The following NOP14 variants were observed in gnomAD, a reference collection of about 807,000 sequenced individuals.
The protein encoded by NOP14 is nucleolar protein 14.
Under a neutral mutation model 101.6 loss-of-function variants are expected in NOP14, and 57 were observed. That is an observed-to-expected ratio of 0.56 (90% CI 0.45 to 0.70). The LOEUF (loss-of-function observed/expected upper bound fraction) is 0.70. NOP14 is among the 30% of genes least tolerant of loss of function. The pLI is 0.00. For missense variants in NOP14, 1,134 were observed against 1,075.5 expected, an observed-to-expected ratio of 1.05 and a Z score of -0.76; for synonymous variants, 428 against 424.0, an observed-to-expected ratio of 1.01 and a Z score of -0.12.
At position 2,960,094 on chromosome 4, in the gene NOP14, C is replaced by T. The variant is rs535898839; in HGVS notation, c.196-2354G>A. 4.5e-4 allele frequency among the ~76,000 whole-genome samples: 68 copies of T among 152,250 alleles called. 1 individual carries two copies. Among genetic ancestry groups the T allele is most frequent in the African/African-American group, 1.4e-3 (57 of 41,542 alleles). The stretch of plus-strand genomic sequence containing the variant: ...AAGCAATTCTCCTGCCTCAGCCTCC[C>T]CAGTAGCTGGGATTACAGGCGCACG... On this transcript the variant is annotated intron_variant, in intron 1 of 17. Transcript: ENST00000416614.
In NOP14 at chr4:2,942,244, G is replaced by C; in HGVS notation, c.1999C>G (p.Arg667Gly). The C allele has an allele frequency of 6.2e-7, 1 of 1,614,130 alleles. No homozygotes were observed. The highest frequency in any genetic ancestry group is 8.5e-7 in the Non-Finnish European group (1 of 1,180,004). ...ATWQQSSLSL[R>G]WASRLRAPTS... ...GGGGCCCTCAGTCTACTCGCCCAGC[G>C]GAGGGAGAGGCTGCTCTGCTGCCAC... is the stretch of plus-strand genomic sequence containing the variant. The change falls in exon 14 of 18, where the codon CGC becomes GGC. Residue 667 changes from arginine to glycine, a missense_variant. Arg to Gly is a moderately radical substitution (Grantham distance 125). Coordinates refer to ENST00000416614, the MANE Select transcript of NOP14 (RefSeq NM_001291978.2).
Position 2,954,890 on chromosome 4 carries a change from T to C in NOP14, c.473-327A>G, listed in dbSNP as rs556419669. Among the ~76,000 whole-genome samples the C allele has an allele frequency of 3.9e-5, 6 of 152,236 alleles. 1 individual carries two copies. The South Asian group carries it at 1.2e-3, about 32-fold the overall frequency. ...CCCAGAGCAAGCTGACTCCAGGGTC[T>C]TGGTGGGAGCGTCGCCCAGGATCAG... On this transcript the variant is annotated intron_variant, in intron 3 of 17. Transcript: ENST00000416614.
intron 3 of NOP14, among the ~76,000 whole-genome samples, chr4:2,954,869 G>A (rs1205960174): frequency 6.6e-6 from 1 of 152,062 alleles, no homozygotes; most frequent in Non-Finnish European, 1.5e-5. Context: ...GGCAAACCCA[G>A]AGCAAGCTGA....
intron 8 of NOP14, 131 bp downstream of exon 8, chr4:2,949,803 C>T: frequency 1.0e-6 from 1 of 991,162 alleles, no homozygotes; most frequent in Non-Finnish European, 1.5e-6. Context: ...GGGGTGTGTC[C>T]AGGCACTCCC....
rs1714652487 is a variant in NOP14 at position 2,946,456 on chromosome 4, T to C, written c.1591A>G (p.Met531Val). 1 of 1,614,276 alleles carries C rather than the reference T, an allele frequency of 6.2e-7. No homozygotes were observed. The highest frequency in any genetic ancestry group is 8.5e-7 in the Non-Finnish European group (1 of 1,180,058). Residue 531 changes from methionine to valine, a missense_variant, in exon 11 of 18, where the codon ATG becomes GTG. By Grantham distance (21) the Met-to-Val change is conservative. Transcript: ENST00000416614. ...LRDAMHEMEE[M>V]IETKGRAALP... The stretch of plus-strand genomic sequence containing the variant: ...GCCGCCCGGCCTTTGGTCTCAATCA[T>C]TTCTTCCATCTCATGCATCGCATCT...
At chr4:2,949,677 G>A (rs1398130539) in intron 8 of NOP14, among the ~76,000 whole-genome samples, 1 of 152,188 alleles carries the variant, frequency 6.6e-6, no homozygotes, top group African/African-American at 2.4e-5. Context: ...TATACTAAAA[G>A]GGAGGTGAAG....
intron 10 of NOP14, chr4:2,946,986 T>G (rs1476541735): frequency 8.8e-6 from 2 of 227,922 alleles, no homozygotes; most frequent in African/African-American, 4.7e-5. Flanking sequence ...CACACGCCTC[T>G]CAACTGAGGA....
At chr4:2,942,596 C>T (rs1306646122) in intron 13 of NOP14, among the ~76,000 whole-genome samples, 1 of 152,178 alleles carries the variant, frequency 6.6e-6, no homozygotes, top group Non-Finnish European at 1.5e-5. Context: ...CTGCTGGCCA[C>T]AGACTTCCTG....
At chr4:2,952,438 T>A in intron 5 of NOP14, 41 bp from the exon 6 acceptor site, 1 of 1,489,210 alleles carries the variant, frequency 6.7e-7, no homozygotes, top group Non-Finnish European at 9.0e-7. Context: ...AAAAATATAT[T>A]TATTTCTTAT....
Position 2,963,074 on chromosome 4 carries a change from A to G in NOP14, c.195+51T>C, listed in dbSNP as rs764814823. ...GAGAAGGACGCAGCCGGCCGAGAGC[A>G]GCGTGGGGTCCAGATCCTGCCTTCC... On this transcript the variant is annotated intron_variant, in intron 1 of 17. Transcript: ENST00000416614. 7 of 1,448,458 alleles carry G rather than the reference A, an allele frequency of 4.8e-6. No homozygotes were observed. The South Asian group carries it at 8.7e-5, about 18-fold the overall frequency. 89.7% of individuals were successfully genotyped at this position (1,448,458 alleles called of 1,614,324 possible).
intron 1 of NOP14, among the ~76,000 whole-genome samples, chr4:2,962,713 C>T (rs1055057340): frequency 7.2e-5 from 11 of 151,998 alleles, no homozygotes; most frequent in Non-Finnish European, 1.5e-4. Context: ...CATAGAGTTA[C>T]TTCCCAAGGA....
At chr4:2,953,111 C>G (rs1027874535) in intron 5 of NOP14, among the ~76,000 whole-genome samples, 7 of 152,218 alleles carry the variant, frequency 4.6e-5, no homozygotes, top group African/African-American at 1.7e-4. Flanking sequence ...ACAAATGCAG[C>G]ATTTTCCAAT....
At chr4:2,961,313 A>AATAT (rs1577858810) in intron 1 of NOP14, 3 of 19,352 alleles carry the variant, frequency 1.6e-4, no homozygotes, top group African/African-American at 3.6e-4. Context: ...TTACTGATTT[A>AATAT]AGAACTACAT....
chr4:2,951,295 G>C, intron 6 of NOP14, 50 bp from the exon 7 acceptor site: 1 of 1,590,596 alleles, frequency 6.3e-7, no homozygotes, highest in Non-Finnish European at 8.6e-7. Flanking sequence ...CCAACATATG[G>C]TGAGGGGGCC....
chr4:2,959,285 AC>A (rs1259877450), intron 1 of NOP14, among the ~76,000 whole-genome samples: 1 of 152,232 alleles, frequency 6.6e-6, no homozygotes, highest in Non-Finnish European at 1.5e-5. Flanking sequence ...GCAGTGCTAA[AC>A]AATGTTTGTT....
chr4:2,947,743 C>A (rs544453884), intron 9 of NOP14, 132 bp from the exon 10 acceptor site: 8 of 704,078 alleles, frequency 1.1e-5, no homozygotes, highest in South Asian at 9.8e-5. Flanking sequence ...GTGACAGACA[C>A]GAGCAGCCTT....
chr4:2,949,242 C>T (rs1714855136), intron 8 of NOP14, among the ~76,000 whole-genome samples: 1 of 152,090 alleles, frequency 6.6e-6, no homozygotes, highest in African/African-American at 2.4e-5. Flanking sequence ...CTTGCTCTGT[C>T]ACCCAGGCTA....
chr4:2,944,977 T>G lies in NOP14; in HGVS notation c.1737+151A>C, dbSNP rs979960053. On this transcript the variant is annotated intron_variant, in intron 12 of 17. Transcript: ENST00000416614. ...CTGGGGCTGCTCGAGCCGGGGCTCT[T>G]TTAGATGGGCCCTCTTTGGCCTAAC... 6.9e-6 allele frequency: 4 copies of G among 576,876 alleles called. No homozygotes were observed. The African/African-American group carries it at 7.5e-5, about 11-fold the overall frequency. The allele number at this position is 576,876 out of a possible 1,614,324, so 35.7% of individuals were successfully genotyped here.
Position 2,944,030 on chromosome 4 carries a change from A to G in NOP14, c.1891+43T>C, listed in dbSNP as rs372042195. On this transcript the variant is annotated intron_variant, in intron 13 of 17. Coordinates refer to ENST00000416614, the MANE Select transcript of NOP14 (RefSeq NM_001291978.2). ...AGTATGAACTACTTAAAAAAATTCT[A>G]AAGTATAACATATTTGTAGGAACCT... 9 of 1,526,306 alleles carry G rather than the reference A, an allele frequency of 5.9e-6. No individual in the cohort carries two copies. The African/African-American group carries it at 9.8e-5, about 17-fold the overall frequency. The allele number at this position is 1,526,306 out of a possible 1,614,324, so 94.5% of individuals were successfully genotyped here.
Sources: allele counts gnomAD v4.1 joint callset (sites outside exome capture counted in the v4.1 genomes callset), GRCh38; gene constraint gnomAD v4.1.1; transcripts MANE v1.5; gene names NCBI Gene and HGNC (gene_info 2026-07-23, HGNC 2026-07-21).